The following SEMA6A variants were observed in gnomAD, a reference collection of about 807,000 sequenced individuals.
The protein encoded by SEMA6A is semaphorin 6A, also known as semaphorin-6A.
A neutral mutation model predicts 96.8 loss-of-function variants in SEMA6A; 25 were observed. The ratio of observed to expected loss-of-function variants is 0.26; its 90% CI spans 0.19 to 0.36. The LOEUF (loss-of-function observed/expected upper bound fraction) is 0.36, where lower values mean the gene tolerates loss of function less well. Among genes scored for constraint, SEMA6A ranks in the 10% least tolerant of loss-of-function variants. SEMA6A has a pLI of 1.00. For synonymous variants in SEMA6A, 612 were observed against 518.0 expected, an observed-to-expected ratio of 1.18 and a Z score of -2.46; for missense variants, 1,363 against 1,323.1, an observed-to-expected ratio of 1.03 and a Z score of -0.47.
intron 1 of SEMA6A, among the ~76,000 whole-genome samples, chr5:116,541,017 C>T (rs144342141): frequency 8.5e-5 from 13 of 152,234 alleles, no homozygotes; most frequent in African/African-American, 2.9e-4. Flanking sequence ...AAGTGACTTA[C>T]GGGGGATATT....
intron 1 of SEMA6A, among the ~76,000 whole-genome samples, chr5:116,516,290 G>A (rs969455582): frequency 6.6e-6 from 1 of 152,068 alleles, no homozygotes; most frequent in Non-Finnish European, 1.5e-5. Context: ...TACATTTTCT[G>A]TTCATCTGTG....
Position 116,544,468 on chromosome 5 carries a change from A to AT in SEMA6A, c.-39+29716dup, listed in dbSNP as rs1023429672. Among the ~76,000 whole-genome samples, 638 of 138,834 alleles carry AT rather than the reference A, an allele frequency of 4.6e-3. 3 individuals are homozygous for AT. Among genetic ancestry groups the AT allele is most frequent in the African/African-American group, 0.016 (559 of 33,914 alleles). The allele number at this position is 138,834 out of a possible 152,430, so 91.1% of individuals were successfully genotyped here. On this transcript the variant is annotated intron_variant, in intron 1 of 18. Coordinates refer to ENST00000343348, the MANE Select transcript of SEMA6A (RefSeq NM_020796.5). ...ACCATGCCCAGCGAAATTTTTGAATATTTTTTTTTTTTAGAGATGGGGGTC... is the reference window on the plus strand; with the variant it reads ...ACCATGCCCAGCGAAATTTTTGAATATTTTTTTTTTTTTAGAGATGGGGGTC...
At chr5:116,511,328 T>G (rs1758392266) in intron 1 of SEMA6A, among the ~76,000 whole-genome samples, 1 of 152,086 alleles carries the variant, frequency 6.6e-6, no homozygotes, top group Non-Finnish European at 1.5e-5. Flanking sequence ...CAGATGCAAT[T>G]TTTTAAAAAA....
intron 1 of SEMA6A, among the ~76,000 whole-genome samples, chr5:116,519,695 A>G (rs1286731701): frequency 2.7e-5 from 4 of 150,526 alleles, no homozygotes; most frequent in African/African-American, 4.9e-5. Context: ...ACACACACGC[A>G]CACACATACA....
chr5:116,563,520 AG>A (rs1760902035), intron 1 of SEMA6A, among the ~76,000 whole-genome samples: 1 of 152,208 alleles, frequency 6.6e-6, no homozygotes. Context: ...ACAGCCTCCA[AG>A]GCACACAAAA....
At chr5:116,459,750 CT>C (rs1755257187) in intron 18 of SEMA6A, among the ~76,000 whole-genome samples, 1 of 152,154 alleles carries the variant, frequency 6.6e-6, no homozygotes, top group South Asian at 2.1e-4. Context: ...CTTTCCTTGA[CT>C]TCCCTTACTG....
chr5:116,447,875 G>T, intron 18 of SEMA6A, 64 bp from the exon 19 acceptor site: 1 of 1,323,156 alleles, frequency 7.6e-7, no homozygotes, highest in Non-Finnish European at 1.0e-6. Context: ...GTTTTTGCTT[G>T]GCATTCACCT....
At chr5:116,518,487 C>G (rs1758771633) in intron 1 of SEMA6A, among the ~76,000 whole-genome samples, 1 of 152,090 alleles carries the variant, frequency 6.6e-6, no homozygotes, top group South Asian at 2.1e-4. Context: ...TCTGCCAGAC[C>G]AGAATAAGGA....
intron 1 of SEMA6A, among the ~76,000 whole-genome samples, chr5:116,529,491 C>CA (rs1487240107): frequency 6.6e-6 from 1 of 151,988 alleles, no homozygotes; most frequent in Non-Finnish European, 1.5e-5. Flanking sequence ...ATACATGTAT[C>CA]AAAATTTCAC....
chr5:116,474,100 T>G (rs953074683), intron 16 of SEMA6A, among the ~76,000 whole-genome samples: 2 of 152,172 alleles, frequency 1.3e-5, no homozygotes. Context: ...CCTACTGGTA[T>G]AGTGGACATT....
chr5:116,517,899 C>G (rs1203525738), intron 1 of SEMA6A, among the ~76,000 whole-genome samples: 1 of 152,154 alleles, frequency 6.6e-6, no homozygotes, highest in Non-Finnish European at 1.5e-5. Context: ...GATGGTGTCT[C>G]CAAAGGAGAT....
At position 116,495,389 on chromosome 5, in the gene SEMA6A, T is replaced by A. The variant is rs535040724; in HGVS notation, c.444+24A>T. Reference sequence around the variant, plus strand: ...TATGAAATGCCTCCTGGCAGTGTGGTTCCAACCGACAAATAGCATTTACCT... The same window carrying A: ...TATGAAATGCCTCCTGGCAGTGTGGATCCAACCGACAAATAGCATTTACCT... On this transcript the variant is annotated intron_variant, in intron 6 of 18. Transcript: ENST00000343348. The A allele has an allele frequency of 3.4e-5, 53 of 1,553,998 alleles. No individual in the cohort carries two copies. The South Asian group carries it at 5.7e-4, about 17-fold the overall frequency.
At chr5:116,477,975 C>T in intron 14 of SEMA6A, 39 bp downstream of exon 14, 1 of 1,613,904 alleles carries the variant, frequency 6.2e-7, no homozygotes, top group Non-Finnish European at 8.5e-7. Context: ...TTCCTAGCCA[C>T]CATGGACTTT....
Position 116,534,671 on chromosome 5 carries a change from C to A in SEMA6A, c.-38-29689G>T, listed in dbSNP as rs148976443. 6.5e-3 allele frequency among the ~76,000 whole-genome samples: 988 copies of A among 152,302 alleles called. 15 individuals carry two copies. The highest frequency in any genetic ancestry group is 5.7e-3 in the Non-Finnish European group (390 of 68,018). ...CCGTTCTCTCCTTTCATACTAGTGA[C>A]CAGAAGCTGTAGTGGGAAATGAGCT... On this transcript the variant is annotated intron_variant, in intron 1 of 18. Coordinates refer to ENST00000343348, the MANE Select transcript of SEMA6A (RefSeq NM_020796.5).
At chr5:116,467,052 A>C (rs1179844773) in intron 18 of SEMA6A, among the ~76,000 whole-genome samples, 1 of 152,146 alleles carries the variant, frequency 6.6e-6, no homozygotes, top group African/African-American at 2.4e-5. Flanking sequence ...TGTCTTAGCT[A>C]CTATCCTCTA....
rs1007066645 is a variant in SEMA6A at position 116,511,276 on chromosome 5, A to C, written c.-38-6294T>G. Among the ~76,000 whole-genome samples the C allele has an allele frequency of 3.5e-4, 54 of 152,190 alleles. 1 individual carries two copies. Among genetic ancestry groups the C allele is most frequent in the Non-Finnish European group, 8.8e-5 (6 of 68,034 alleles). ...AAATCATTGTTTCACTGTATTGCTT[A>C]GGGAAAAGCAACAAGAAAAAGAAGT... On this transcript the variant is annotated intron_variant, in intron 1 of 18. Coordinates refer to ENST00000343348, the MANE Select transcript of SEMA6A (RefSeq NM_020796.5).
chr5:116,526,133 C>T (rs543203685), intron 1 of SEMA6A, among the ~76,000 whole-genome samples: 1 of 150,946 alleles, frequency 6.6e-6, no homozygotes, highest in African/African-American at 2.5e-5. Context: ...TTGCCTTTTC[C>T]CCCCTTCTTT....
Position 116,467,573 on chromosome 5 carries a change from A to C in SEMA6A, c.1894+10T>G. The C allele has an allele frequency of 6.2e-7, 1 of 1,604,658 alleles. No individual in the cohort carries two copies. Among genetic ancestry groups the C allele is most frequent in the East Asian group, 2.2e-5 (1 of 44,506 alleles). ...TCCCCCGAGAGGAAGAGGCATTTCC[A>C]AGGCCTTACCCTTCTTGTCTTGGTG... is the stretch of plus-strand genomic sequence containing the variant. On this transcript the variant is annotated intron_variant, in intron 18 of 18. Transcript: ENST00000343348.
chr5:116,471,581 T>A (rs898504587), intron 17 of SEMA6A: 2 of 152,204 alleles, frequency 1.3e-5, no homozygotes, highest in Non-Finnish European at 2.9e-5. Flanking sequence ...GAGCAATTTT[T>A]CTTCTAGTCT....
Sources: allele counts gnomAD v4.1 joint callset (sites outside exome capture counted in the v4.1 genomes callset), GRCh38; gene constraint gnomAD v4.1.1; transcripts MANE v1.5; gene names NCBI Gene and HGNC (gene_info 2026-07-23, HGNC 2026-07-21).